Variants in RIN3 observed in about 807,000 individuals in gnomAD.
RIN3 encodes the protein RAB5 interacting protein 3.
In RIN3, 54 loss-of-function variants were observed where a neutral mutation model predicts 76.3. The ratio of observed to expected loss-of-function variants is 0.71; its 90% confidence interval spans 0.57 to 0.89. The LOEUF (loss-of-function observed/expected upper bound fraction) is 0.89. Ranked by LOEUF, RIN3 falls within the 40% of genes least tolerant of loss-of-function variation. RIN3 has a pLI of 0.00. For missense variants in RIN3, 1,256 were observed against 1,322.1 expected (o/e 0.95, Z 0.78); for synonymous variants, 576 against 564.0 (o/e 1.02, Z -0.30).
intron 4 of RIN3, among the ~76,000 whole-genome samples, chr14:92,638,491 G>C (rs1238315091): frequency 2.0e-5 from 3 of 152,200 alleles, no homozygotes; most frequent in African/African-American, 7.2e-5. Context: ...AAAGTGACAA[G>C]GTGGCAGGAG....
At chr14:92,620,613 C>A (rs560818994) in intron 4 of RIN3, among the ~76,000 whole-genome samples, 5 of 152,170 alleles carry the variant, frequency 3.3e-5, no homozygotes, top group African/African-American at 1.2e-4. Context: ...TAAAAAAAAT[C>A]ATAGTTTTAT....
intron 4 of RIN3, among the ~76,000 whole-genome samples, chr14:92,639,671 C>T (rs767861304): frequency 6.6e-6 from 1 of 152,230 alleles, no homozygotes; most frequent in Non-Finnish European, 1.5e-5. Flanking sequence ...TCTTCAACTA[C>T]CATGTGGGCT....
chr14:92,621,235 C>CAAAAA (rs572318532), intron 4 of RIN3, among the ~76,000 whole-genome samples: 1,014 of 70,664 alleles, frequency 0.014, 147 homozygotes, highest in African/African-American at 0.057. Context: ...GACTCCGTCT[C>CAAAAA]AAAAAAAAAA....
At chr14:92,687,651 C>G in intron 9 of RIN3, 1 of 482,324 alleles carries the variant, frequency 2.1e-6, no homozygotes, top group Non-Finnish European at 3.6e-6. Flanking sequence ...GCCTGTGGAC[C>G]AGCAGCCAGG....
intron 7 of RIN3, among the ~76,000 whole-genome samples, chr14:92,668,259 T>A (rs1354387521): frequency 6.6e-6 from 1 of 152,198 alleles, no homozygotes; most frequent in Admixed American, 6.5e-5. Flanking sequence ...CCCAGGGCCC[T>A]CTGGCCTCTC....
intron 1 of RIN3, among the ~76,000 whole-genome samples, chr14:92,515,926 G>A (rs987899701): frequency 2.0e-5 from 3 of 152,220 alleles, no homozygotes; most frequent in African/African-American, 7.2e-5. Flanking sequence ...ATTGGAGGGA[G>A]AGAGGAGTGG....
chr14:92,680,626 G>C (rs1888630067), intron 8 of RIN3, among the ~76,000 whole-genome samples: 1 of 152,182 alleles, frequency 6.6e-6, no homozygotes, highest in Non-Finnish European at 1.5e-5. Flanking sequence ...ATAGGATCTG[G>C]GGGTAGGGGG....
chr14:92,594,112 A>C (rs1348607630), intron 3 of RIN3, among the ~76,000 whole-genome samples: 1 of 152,130 alleles, frequency 6.6e-6, no homozygotes, highest in African/African-American at 2.4e-5. Flanking sequence ...CCTGGGCCGT[A>C]ATACACACCT....
At chr14:92,684,914 G>T in intron 8 of RIN3, 73 bp from the exon 9 acceptor site, 3 of 1,506,874 alleles carry the variant, frequency 2.0e-6, no homozygotes, top group Non-Finnish European at 2.7e-6. Flanking sequence ...GAGGTGGGTG[G>T]GGCAGGCCAA....
At chr14:92,583,376 C>T (rs1415822193) in intron 3 of RIN3, among the ~76,000 whole-genome samples, 3 of 152,246 alleles carry the variant, frequency 2.0e-5, no homozygotes, top group African/African-American at 7.2e-5. Flanking sequence ...TTAAGTGTTT[C>T]CTTGAAACTC....
intron 8 of RIN3, among the ~76,000 whole-genome samples, chr14:92,678,390 C>T (rs1888549205): frequency 6.6e-6 from 1 of 151,562 alleles, no homozygotes; most frequent in African/African-American, 2.4e-5. Flanking sequence ...ATTCACTCAC[C>T]CACCAATCCA....
chr14:92,570,325 C>T (rs1372795092), intron 2 of RIN3, among the ~76,000 whole-genome samples: 2 of 698 alleles, frequency 2.9e-3, no homozygotes. Context: ...GGCAGATACA[C>T]ACACACACAC....
intron 2 of RIN3, among the ~76,000 whole-genome samples, chr14:92,561,893 C>A (rs779924236): frequency 6.6e-6 from 1 of 152,106 alleles, no homozygotes; most frequent in Non-Finnish European, 1.5e-5. Context: ...CCTATGTTGC[C>A]CAGGCTGGTC....
intron 1 of RIN3, among the ~76,000 whole-genome samples, chr14:92,525,535 C>T (rs747596182): frequency 1.3e-4 from 20 of 151,992 alleles, no homozygotes; most frequent in Non-Finnish European, 4.4e-5. Flanking sequence ...AGGGAAGTGC[C>T]CAGGACAGAG....
chr14:92,649,787 A>G (rs1030252292), intron 5 of RIN3, among the ~76,000 whole-genome samples: 1 of 152,190 alleles, frequency 6.6e-6, no homozygotes, highest in African/African-American at 2.4e-5. Flanking sequence ...AAAGGTTGTC[A>G]TGCTTGTTAG....
In RIN3 at chr14:92,648,044, C is replaced by CGA. The variant is rs1165573995; in HGVS notation, c.533-3538_533-3537insGA. Among the ~76,000 whole-genome samples the CGA allele has an allele frequency of 1.3e-5, 2 of 152,094 alleles. No individual in the cohort carries two copies. Among genetic ancestry groups the CGA allele is most frequent in the African/African-American group, 4.8e-5 (2 of 41,428 alleles). On this transcript the variant is annotated intron_variant, in intron 5 of 9. Transcript: ENST00000216487. This position sits in a 1 kb window ranked among gnomAD's most constrained non-coding sequence, Gnocchi z 4.1. ...TGCATGACACAGGGTTCTGTTTCTC[C>CGA]CCTGGCCTTGGCGTTCTCAGGCTGC...
intron 1 of RIN3, among the ~76,000 whole-genome samples, chr14:92,524,228 G>A (rs1401708683): frequency 6.6e-6 from 1 of 152,062 alleles, no homozygotes; most frequent in East Asian, 1.9e-4. Flanking sequence ...AAGACCCGGG[G>A]CCCAGTTTCA....
At position 92,641,338 on chromosome 14, in the gene RIN3, T is replaced by C. The variant is rs1474115387; in HGVS notation, c.532+9T>C. On this transcript the variant is annotated intron_variant, in intron 5 of 9. Transcript: ENST00000216487. ...CGCCAACCTGGGTCTGGGTGAGTCT[T>C]CTCCGAGGGGTTAGGGGAGCTGGTG... The C allele has an allele frequency of 6.2e-7, 1 of 1,607,922 alleles. No homozygotes were observed. The highest frequency in any genetic ancestry group is 8.5e-7 in the Non-Finnish European group (1 of 1,174,432).
chr14:92,607,038 C>T (rs1169660353), intron 3 of RIN3, among the ~76,000 whole-genome samples: 2 of 152,126 alleles, frequency 1.3e-5, no homozygotes, highest in Admixed American at 6.5e-5. Context: ...TATATCCATA[C>T]AGTAAAATAT....
Sources: allele counts gnomAD v4.1 joint callset (sites outside exome capture counted in the v4.1 genomes callset), GRCh38; gene constraint gnomAD v4.1.1; non-coding constraint Gnocchi (gnomAD v3.1); transcripts MANE v1.5; gene names NCBI Gene and HGNC (gene_info 2026-07-23, HGNC 2026-07-21).